Variants in TUT7 observed in about 807,000 individuals in gnomAD.
The protein encoded by TUT7 is terminal uridylyl transferase 7.
A neutral mutation model predicts 165.9 loss-of-function variants in TUT7; 33 were observed. The observed-to-expected ratio is 0.20, with a 90% confidence interval of 0.15 to 0.27. The LOEUF is 0.27. Among genes scored for constraint, TUT7 ranks in the 10% least tolerant of loss-of-function variants. The pLI is 1.00. For synonymous variants in TUT7, 552 were observed against 608.1 expected (o/e 0.91, Z 1.36); for missense variants, 1,338 against 1,762.3 (o/e 0.76, Z 4.31).
intron 12 of TUT7, 95 bp from the exon 13 acceptor site, chr9:86,324,055 C>A: frequency 4.6e-6 from 5 of 1,098,018 alleles, no homozygotes; most frequent in South Asian, 4.5e-5. Context: ...TAAAAACAGA[C>A]AACAAACAAT....
chr9:86,340,347 T>C (rs1384216191), intron 7 of TUT7, among the ~76,000 whole-genome samples: 1 of 152,242 alleles, frequency 6.6e-6, no homozygotes, highest in Non-Finnish European at 1.5e-5. Context: ...ACTACATCAT[T>C]GGATCAGAAA....
At position 86,346,456 on chromosome 9, in the gene TUT7, G is replaced by A; in HGVS notation, c.545C>T (p.Pro182Leu). ...SPENKKQRSRPRKPRKTRNEE... is the reference protein window; with the variant it reads ...SPENKKQRSRLRKPRKTRNEE... ...ATTTCTAGTCTTCCGTGGCTTCCTA[G>A]GTCTGGACCTCTGCTTCTTGTTTTC... The change falls in exon 3 of 27, where the codon CCT becomes CTT. Residue 182 changes from proline to leucine, a missense_variant. Pro to Leu is a moderately conservative substitution (Grantham distance 98). Transcript: ENST00000375963. 1 of 1,613,116 alleles carries A rather than the reference G, an allele frequency of 6.2e-7. No homozygotes were observed. Among genetic ancestry groups the A allele is most frequent in the South Asian group, 1.1e-5 (1 of 90,874 alleles).
rs767995635 is a variant in TUT7 at position 86,325,522 on chromosome 9, T to C, written c.1609-8A>G. On this transcript the variant is annotated splice_region_variant and splice_polypyrimidine_tract_variant and intron_variant, in intron 11 of 26. Coordinates refer to ENST00000375963, the MANE Select transcript of TUT7 (RefSeq NM_024617.4). ...ATCCAATATTAATGACACCTATTAA[T>C]AGCAAAGAGAAACATACAGGTTATT... The C allele has an allele frequency of 2.5e-6, 4 of 1,607,338 alleles. No individual in the cohort carries two copies. Among genetic ancestry groups the C allele is most frequent in the Non-Finnish European group, 2.6e-6 (3 of 1,176,080 alleles).
At chr9:86,293,813 C>T (rs780531910) in intron 26 of TUT7, among the ~76,000 whole-genome samples, 32 of 152,170 alleles carry the variant, frequency 2.1e-4, no homozygotes, top group Non-Finnish European at 4.3e-4. Context: ...GGCTTGATCT[C>T]GGCTCACTGC....
chr9:86,332,593 G>A (rs1422746850), intron 10 of TUT7, among the ~76,000 whole-genome samples: 1 of 152,044 alleles, frequency 6.6e-6, no homozygotes, highest in African/African-American at 2.4e-5. Flanking sequence ...AATAACTATT[G>A]GGTACTACGC....
chr9:86,290,739 T>C (rs1422790000), intron 26 of TUT7, among the ~76,000 whole-genome samples: 1 of 147,950 alleles, frequency 6.8e-6, no homozygotes, highest in Non-Finnish European at 1.5e-5. Context: ...GGCACACTAG[T>C]AGTCCCAGCT....
At chr9:86,319,853 G>C (rs1351840685) in intron 14 of TUT7, among the ~76,000 whole-genome samples, 183 bp from the exon 15 acceptor site, 1 of 152,022 alleles carries the variant, frequency 6.6e-6, no homozygotes, top group Non-Finnish European at 1.5e-5. Flanking sequence ...TTATTTTTGA[G>C]ATAAGGTCTG....
intron 26 of TUT7, among the ~76,000 whole-genome samples, chr9:86,295,871 C>G (rs1237901122): frequency 6.7e-6 from 1 of 149,572 alleles, no homozygotes; most frequent in Non-Finnish European, 1.5e-5. Context: ...TTTGTTTTTT[C>G]GGTAATTTTC....
intron 10 of TUT7, among the ~76,000 whole-genome samples, chr9:86,335,918 G>C (rs1182838543): frequency 6.6e-6 from 1 of 152,068 alleles, no homozygotes; most frequent in African/African-American, 2.4e-5. Context: ...ATCAAATTCA[G>C]TATCACTTTA....
intron 26 of TUT7, among the ~76,000 whole-genome samples, chr9:86,290,640 G>A (rs1185071671): frequency 6.9e-6 from 1 of 145,420 alleles, no homozygotes; most frequent in African/African-American, 2.6e-5. Context: ...TCAGGAGTTC[G>A]AGACCAGCCT....
In TUT7 at chr9:86,287,886, G is replaced by C. The variant is rs1010535565; in HGVS notation, c.*791C>G. ...AATGACACCAGCCACACTTGTGACT[G>C]GCAGAGATAACCTCTTTGATCTTCA... is the stretch of plus-strand genomic sequence containing the variant. On this transcript the variant is annotated 3_prime_UTR_variant, in exon 27 of 27. Coordinates refer to ENST00000375963, the MANE Select transcript of TUT7 (RefSeq NM_024617.4). 1 of 152,078 alleles carries C rather than the reference G, an allele frequency of 6.6e-6. No homozygotes were observed. The highest frequency in any genetic ancestry group is 1.5e-5 in the Non-Finnish European group (1 of 68,006). The allele number at this position is 152,078 out of a possible 1,614,324, so 9.4% of individuals were successfully genotyped here.
chr9:86,312,193 G>A (rs1429595958), intron 17 of TUT7, among the ~76,000 whole-genome samples: 2 of 151,174 alleles, frequency 1.3e-5, no homozygotes, highest in South Asian at 2.1e-4. Context: ...CTTCCCGGCC[G>A]CCATCCCATC....
chr9:86,328,523 G>T, intron 10 of TUT7, 31 bp from the exon 11 acceptor site: 1 of 1,571,880 alleles, frequency 6.4e-7, no homozygotes, highest in Non-Finnish European at 8.6e-7. Flanking sequence ...GCTAAAATAA[G>T]ATAGAAATAA....
At chr9:86,318,137 T>C (rs182675293) in intron 16 of TUT7, among the ~76,000 whole-genome samples, 1 of 152,346 alleles carries the variant, frequency 6.6e-6, no homozygotes, top group East Asian at 1.9e-4. Context: ...TTTGGATATT[T>C]AGCATTTGGA....
chr9:86,336,345 C>G (rs1830779742), intron 10 of TUT7, among the ~76,000 whole-genome samples: 1 of 152,122 alleles, frequency 6.6e-6, no homozygotes, highest in South Asian at 2.1e-4. Context: ...GGACAGTAGT[C>G]TGGTAGAGAT....
chr9:86,288,751 G>A lies in TUT7; in HGVS notation c.4421-7C>T, dbSNP rs1825704789. 5 of 1,609,522 alleles carry A rather than the reference G, an allele frequency of 3.1e-6. No individual in the cohort carries two copies. The highest frequency in any genetic ancestry group is 1.7e-4 in the Middle Eastern group (1 of 6,052). ...TATTTACTGGAAAGGCTACCTAGAGGAGGGGAAGAAACAAAACCCAATATA... is the reference window on the plus strand; with the variant it reads ...TATTTACTGGAAAGGCTACCTAGAGAAGGGGAAGAAACAAAACCCAATATA... On this transcript the variant is annotated splice_region_variant and splice_polypyrimidine_tract_variant and intron_variant, in intron 26 of 26. Transcript: ENST00000375963.
intron 25 of TUT7, 129 bp from the exon 26 acceptor site, chr9:86,301,730 A>C: frequency 6.8e-7 from 1 of 1,473,924 alleles, no homozygotes; most frequent in Non-Finnish European, 8.9e-7. Context: ...TTAAAAGGAA[A>C]AGCAAGAACC....
intron 24 of TUT7, among the ~76,000 whole-genome samples, chr9:86,304,154 T>A (rs1827233031): frequency 6.6e-6 from 1 of 152,160 alleles, no homozygotes; most frequent in Non-Finnish European, 1.5e-5. Flanking sequence ...GTGATATATA[T>A]ATGTTAATTA....
At chr9:86,303,011 A>G (rs978049561) in intron 25 of TUT7, 75 bp downstream of exon 25, 5 of 659,478 alleles carry the variant, frequency 7.6e-6, no homozygotes, top group East Asian at 2.7e-5. Context: ...TTTCTTTGTT[A>G]TAATAGTACC....
Sources: gnomAD v4.1 joint callset for allele counts (sites outside exome capture counted in the v4.1 genomes callset) on GRCh38, gnomAD v4.1.1 for gene constraint, MANE v1.5 for transcripts, NCBI Gene and HGNC (gene_info 2026-07-23, HGNC 2026-07-21) for gene names.